Variants in DLGAP2 observed in about 807,000 individuals in gnomAD.
DLGAP2 encodes the protein DLG associated protein 2.
Under a neutral mutation model 100.3 loss-of-function variants are expected in DLGAP2, and 26 were observed. The observed-to-expected ratio is 0.26, with a 90% CI of 0.19 to 0.36. The LOEUF (loss-of-function observed/expected upper bound fraction) is 0.36, where lower values mean the gene tolerates loss of function less well. Ranked by LOEUF, DLGAP2 falls within the 10% of genes least tolerant of loss-of-function variation. The probability of loss-of-function intolerance (pLI) is 1.00; values close to 1 mark genes in which losing one functional copy is unlikely to be tolerated. For missense variants in DLGAP2, 1,858 were observed against 1,453.2 expected, an observed-to-expected ratio of 1.28 and a Z score of -4.53; for synonymous variants, 886 against 630.1, an observed-to-expected ratio of 1.41 and a Z score of -6.08.
intron 2 of DLGAP2, among the ~76,000 whole-genome samples, chr8:925,291 A>G (rs1009499128): frequency 6.6e-6 from 1 of 152,058 alleles, no homozygotes; most frequent in African/African-American, 2.4e-5. Context: ...TTTTAATTAT[A>G]ATGTTTTTTT....
At chr8:1,200,651 G>C (rs1328719001) in intron 2 of DLGAP2, among the ~76,000 whole-genome samples, 1 of 152,214 alleles carries the variant, frequency 6.6e-6, no homozygotes, top group African/African-American at 2.4e-5. Flanking sequence ...GCAGATGTTG[G>C]TTTGACAAAG....
chr8:1,078,927 C>A (rs1803710416), intron 2 of DLGAP2, among the ~76,000 whole-genome samples: 1 of 152,172 alleles, frequency 6.6e-6, no homozygotes, highest in Admixed American at 6.5e-5. Flanking sequence ...GCAAGGAGTA[C>A]AGTTACTGGA....
intron 2 of DLGAP2, among the ~76,000 whole-genome samples, chr8:1,047,058 G>C (rs1290795694): frequency 2.6e-5 from 4 of 152,046 alleles, no homozygotes; most frequent in African/African-American, 9.7e-5. Context: ...TATATTCACA[G>C]AGTTGTGCAG....
chr8:1,528,217 T>C (rs1471271728), intron 4 of DLGAP2, among the ~76,000 whole-genome samples: 1 of 152,146 alleles, frequency 6.6e-6, no homozygotes, highest in East Asian at 1.9e-4. Flanking sequence ...CGAGGCTTTC[T>C]AGCTTTCCTC....
intron 4 of DLGAP2, among the ~76,000 whole-genome samples, chr8:1,544,542 TG>T (rs1420257172): frequency 3.3e-5 from 5 of 152,224 alleles, no homozygotes; most frequent in Non-Finnish European, 7.3e-5. Flanking sequence ...TGTTGTACTT[TG>T]TCACATGCCT....
At chr8:1,412,551 C>T (rs780405945) in intron 3 of DLGAP2, among the ~76,000 whole-genome samples, 1 of 152,180 alleles carries the variant, frequency 6.6e-6, no homozygotes, top group Non-Finnish European at 1.5e-5. Flanking sequence ...CCTTGGTAAG[C>T]CCCAGCCATT....
At chr8:1,148,717 C>T (rs1327006274) in intron 2 of DLGAP2, among the ~76,000 whole-genome samples, 1 of 152,006 alleles carries the variant, frequency 6.6e-6, no homozygotes, top group African/African-American at 2.4e-5. Flanking sequence ...AATAATTTGC[C>T]ATTTTCTAGT....
intron 2 of DLGAP2, among the ~76,000 whole-genome samples, chr8:1,106,393 C>A (rs1299961617): frequency 1.3e-5 from 2 of 149,862 alleles, no homozygotes; most frequent in African/African-American, 4.9e-5. Context: ...GGGAGCCATT[C>A]TAGGAGGGTT....
intron 3 of DLGAP2, among the ~76,000 whole-genome samples, chr8:1,326,644 C>A (rs117783437): frequency 6.6e-6 from 1 of 152,202 alleles, no homozygotes; most frequent in Admixed American, 6.5e-5. Flanking sequence ...CAGGACACGG[C>A]GAGCTCTTAG....
intron 2 of DLGAP2, among the ~76,000 whole-genome samples, chr8:957,646 T>C (rs968959874): frequency 2.0e-5 from 3 of 152,250 alleles, no homozygotes; most frequent in African/African-American, 7.2e-5. Context: ...ATGACTGTCC[T>C]ACATAATGAC....
intron 4 of DLGAP2, among the ~76,000 whole-genome samples, chr8:1,507,098 G>A (rs1207758451): frequency 6.6e-6 from 1 of 152,256 alleles, no homozygotes. Context: ...GAGCCCAGCT[G>A]GCTTCACCTA....
intron 3 of DLGAP2, chr8:1,377,893 A>C (rs1260693828): frequency 6.6e-6 from 1 of 152,190 alleles, no homozygotes; most frequent in African/African-American, 2.4e-5. Flanking sequence ...AGCTGCACCC[A>C]CCTCGTCTGT....
At chr8:1,685,544 A>G (rs752657745) in intron 12 of DLGAP2, among the ~76,000 whole-genome samples, 2 of 152,198 alleles carry the variant, frequency 1.3e-5, no homozygotes, top group African/African-American at 4.8e-5. Flanking sequence ...AGCACCTATG[A>G]AGATGTTGCC....
At position 1,233,680 on chromosome 8, in the gene DLGAP2, C is replaced by G. The variant is rs541425392; in HGVS notation, c.74-25171C>G. Among the ~76,000 whole-genome samples the G allele has an allele frequency of 3.9e-5, 6 of 152,276 alleles. No individual in the cohort carries two copies. The South Asian group carries it at 6.2e-4, about 16-fold the overall frequency. On this transcript the variant is annotated intron_variant, in intron 2 of 14. Coordinates refer to ENST00000637795, the MANE Select transcript of DLGAP2 (RefSeq NM_001346810.2). ...GTGTTTTTAGTTACTGATAGATGATCTCAGTGCCTAAGAGTGTGTTGAGCA... is the reference window on the plus strand; with the variant it reads ...GTGTTTTTAGTTACTGATAGATGATGTCAGTGCCTAAGAGTGTGTTGAGCA...
intron 2 of DLGAP2, among the ~76,000 whole-genome samples, chr8:1,136,714 C>G (rs1241606214): frequency 2.0e-5 from 3 of 152,192 alleles, no homozygotes; most frequent in Non-Finnish European, 4.4e-5. Flanking sequence ...GAGTGAGGAA[C>G]CACCCGAAGC....
At chr8:1,325,186 G>A (rs1400939324) in intron 3 of DLGAP2, among the ~76,000 whole-genome samples, 2 of 152,210 alleles carry the variant, frequency 1.3e-5, no homozygotes, top group African/African-American at 4.8e-5. Flanking sequence ...GTAGCGGATG[G>A]TCTTCTCAGC....
chr8:1,542,578 G>A (rs1801398996), intron 4 of DLGAP2, among the ~76,000 whole-genome samples: 1 of 152,240 alleles, frequency 6.6e-6, no homozygotes, highest in South Asian at 2.1e-4. Context: ...GGGCTTAATT[G>A]GTTTTAATTG....
intron 1 of DLGAP2, among the ~76,000 whole-genome samples, chr8:762,936 C>G (rs1821124032): frequency 6.6e-6 from 1 of 152,180 alleles, no homozygotes. Context: ...CTCGGCCTCC[C>G]AAAGTGCTGG....
intron 10 of DLGAP2, among the ~76,000 whole-genome samples, chr8:1,676,158 A>T (rs1420374550): frequency 1.3e-5 from 2 of 152,190 alleles, no homozygotes; most frequent in East Asian, 3.8e-4. Context: ...TGTTGTCATT[A>T]GCTGTGTTTG....
Sources: allele counts gnomAD v4.1 joint callset (sites outside exome capture counted in the v4.1 genomes callset), GRCh38; gene constraint gnomAD v4.1.1; transcripts MANE v1.5; gene names NCBI Gene and HGNC (gene_info 2026-07-23, HGNC 2026-07-21).